The following POLR2C variants were observed in gnomAD, a reference collection of about 807,000 sequenced individuals.
POLR2C encodes the protein DNA-directed RNA polymerase II subunit RPB3.
POLR2C carries 36 observed loss-of-function variants against 41.7 expected under a neutral mutation model. That is an observed-to-expected ratio of 0.86 (90% CI 0.66 to 1.14). The LOEUF (loss-of-function observed/expected upper bound fraction) is 1.14, where lower values mean the gene tolerates loss of function less well. Among genes scored for constraint, POLR2C ranks in the 50% most tolerant of loss-of-function variants. POLR2C has a pLI of 0.00. For missense variants in POLR2C, 260 were observed against 350.4 expected, an observed-to-expected ratio of 0.74 and a Z score of 2.06; for synonymous variants, 133 against 137.8, an observed-to-expected ratio of 0.96 and a Z score of 0.25.
intron 4 of POLR2C, among the ~76,000 whole-genome samples, chr16:57,467,670 G>C (rs1457789076): frequency 1.3e-5 from 2 of 152,198 alleles, no homozygotes; most frequent in Non-Finnish European, 2.9e-5. Context: ...TGAACTGTGT[G>C]AAAGTTGCAG....
chr16:57,463,768 G>T (rs4784809), intron 2 of POLR2C: 1 of 364,734 alleles, frequency 2.7e-6, no homozygotes, highest in Non-Finnish European at 5.5e-6. Flanking sequence ...CATGGGGAAA[G>T]CCCGCCTCTA....
intron 4 of POLR2C, among the ~76,000 whole-genome samples, chr16:57,467,508 A>G (rs1435030718): frequency 6.6e-6 from 1 of 152,180 alleles, no homozygotes; most frequent in Non-Finnish European, 1.5e-5. Flanking sequence ...TTGCACAAAG[A>G]TGGCATGGTC....
At position 57,470,992 on chromosome 16, in the gene POLR2C, A is replaced by T. The variant is rs1401768483; in HGVS notation, c.701A>T (p.Glu234Val). The stretch of plus-strand genomic sequence containing the variant: ...CCTCCTAGGTTTTACTACAATGTGG[A>T]GTCCTGTGGCTCTCTGCGTCCTGAA... ...GKPERFYYNV[E>V]SCGSLRPETI... Residue 234 changes from glutamate to valine, a missense_variant, in exon 9 of 9, where the codon GAG becomes GTG. Coordinates refer to ENST00000219252, the MANE Select transcript of POLR2C (RefSeq NM_032940.3). 1.2e-6 allele frequency: 2 copies of T among 1,614,104 alleles called. No homozygotes were observed. The highest frequency in any genetic ancestry group is 8.5e-7 in the Non-Finnish European group (1 of 1,179,962).
intron 1 of POLR2C, 57 bp downstream of exon 1, chr16:57,462,867 G>C (rs557004717): frequency 7.1e-7 from 1 of 1,414,706 alleles, no homozygotes; most frequent in East Asian, 2.5e-5. Flanking sequence ...GCCCAAGCCG[G>C]GGCCCCGGGG....
rs754967890 is a variant in POLR2C at position 57,466,277 on chromosome 16, T to TGA, written c.258+50_258+51insGA. 8.8e-6 allele frequency: 11 copies of TGA among 1,251,344 alleles called. No homozygotes were observed. The African/African-American group carries it at 1.5e-4, about 17-fold the overall frequency. The allele number at this position is 1,251,344 out of a possible 1,614,324, so 77.5% of individuals were successfully genotyped here. A position where few individuals can be genotyped will look rare whatever the true frequency, so the allele number is the denominator to read the frequency against. On this transcript the variant is annotated intron_variant, in intron 4 of 8. Coordinates refer to ENST00000219252, the MANE Select transcript of POLR2C (RefSeq NM_032940.3). ...GTGAGGTTTGGTGGGGAGGCTTTGG[T>TGA]TCTCAAAGGGATTTTTCCTGACATT...
chr16:57,463,501 AG>A (rs2030631695), intron 2 of POLR2C: 2 of 363,194 alleles, frequency 5.5e-6, no homozygotes, highest in South Asian at 4.2e-5. Flanking sequence ...TAGTGAGCAT[AG>A]TACGCAATAG....
At chr16:57,467,047 C>T (rs2030724906) in intron 4 of POLR2C, among the ~76,000 whole-genome samples, 1 of 152,158 alleles carries the variant, frequency 6.6e-6, no homozygotes, top group African/African-American at 2.4e-5. Context: ...TCCTGGCTGA[C>T]ACGGTGAAAC....
At chr16:57,466,708 G>A (rs1018134099) in intron 4 of POLR2C, among the ~76,000 whole-genome samples, 1 of 152,138 alleles carries the variant, frequency 6.6e-6, no homozygotes, top group South Asian at 2.1e-4. Context: ...CCTCCTGGTC[G>A]TGTTTGCTCC....
At chr16:57,466,943 G>A (rs1475624304) in intron 4 of POLR2C, among the ~76,000 whole-genome samples, 1 of 152,046 alleles carries the variant, frequency 6.6e-6, no homozygotes, top group East Asian at 1.9e-4. Flanking sequence ...TTTTAAAAAA[G>A]AAATATTCAG....
In POLR2C at chr16:57,469,659, A is replaced by G. The variant is rs1164839117; in HGVS notation, c.388-51A>G. ...GGTGCTGGGATATGGATGCCAGAGG[A>G]GGTGACTGGGGAGGTGAGCAGCTAA... On this transcript the variant is annotated intron_variant, in intron 5 of 8. Coordinates refer to ENST00000219252, the MANE Select transcript of POLR2C (RefSeq NM_032940.3). The surrounding 1 kb of genome is among the most constrained non-coding windows in gnomAD (Gnocchi z 5.8). 13 of 1,442,460 alleles carry G rather than the reference A, an allele frequency of 9.0e-6. No individual in the cohort carries two copies. Among genetic ancestry groups the G allele is most frequent in the Non-Finnish European group, 1.3e-5 (13 of 1,024,710 alleles). The allele number at this position is 1,442,460 out of a possible 1,614,324, so 89.4% of individuals were successfully genotyped here. A position where few individuals can be genotyped will look rare whatever the true frequency, so the allele number is the denominator to read the frequency against.
Position 57,469,360 on chromosome 16 carries a change from C to CACACA in POLR2C, c.387+67_387+68insACACA. ...TCTTCTCTGGCTGGCTCCAAGTGGG[C>CACACA]CAGACTGGGGTTGATCCTTAGAAAA... On this transcript the variant is annotated intron_variant, in intron 5 of 8. Coordinates refer to ENST00000219252, the MANE Select transcript of POLR2C (RefSeq NM_032940.3). This position sits in a 1 kb window ranked among gnomAD's most constrained non-coding sequence, Gnocchi z 5.8. 6.4e-7 allele frequency: 1 copy of CACACA among 1,551,928 alleles called. No homozygotes were observed. Among genetic ancestry groups the CACACA allele is most frequent in the East Asian group, 2.2e-5 (1 of 44,572 alleles).
intron 4 of POLR2C, among the ~76,000 whole-genome samples, chr16:57,467,975 C>T (rs1195719087): frequency 6.6e-6 from 1 of 151,920 alleles, no homozygotes; most frequent in East Asian, 1.9e-4. Context: ...ATATTTTTAT[C>T]TTCCATTACA....
chr16:57,469,955 C>G lies in POLR2C; in HGVS notation c.440-6C>G. The G allele has an allele frequency of 3.1e-6, 5 of 1,610,976 alleles. No homozygotes were observed. The highest frequency in any genetic ancestry group is 4.2e-6 in the Non-Finnish European group (5 of 1,179,500). On this transcript the variant is annotated splice_polypyrimidine_tract_variant and splice_region_variant and intron_variant, in intron 6 of 8. Coordinates refer to ENST00000219252, the MANE Select transcript of POLR2C (RefSeq NM_032940.3). This position sits in a 1 kb window ranked among gnomAD's most constrained non-coding sequence, Gnocchi z 5.8. ...GCCCTTGACTGACTTGTGCCTCTCCCTGCAGACATCCTCATCGTCAAGTTG... is the reference window on the plus strand; with the variant it reads ...GCCCTTGACTGACTTGTGCCTCTCCGTGCAGACATCCTCATCGTCAAGTTG...
At chr16:57,462,895 G>A in intron 1 of POLR2C, 85 bp downstream of exon 1, 1 of 1,135,928 alleles carries the variant, frequency 8.8e-7, no homozygotes, top group South Asian at 1.3e-5. Context: ...CGGGGGTGTA[G>A]TGGGGTGGGG....
At position 57,465,940 on chromosome 16, in the gene POLR2C, T is replaced by C; in HGVS notation, c.137-13T>C. 6.4e-7 allele frequency: 1 copy of C among 1,559,372 alleles called. No individual in the cohort carries two copies. The highest frequency in any genetic ancestry group is 1.1e-5 in the South Asian group (1 of 89,900). On this transcript the variant is annotated splice_polypyrimidine_tract_variant and intron_variant, in intron 2 of 8. Transcript: ENST00000219252. ...GATGGCTAAACTCCATGTCTGCTTC[T>C]TTCATTTTTTAGCCATTGACTGGGT...
chr16:57,462,882 G>T, intron 1 of POLR2C, 72 bp downstream of exon 1: 2 of 1,279,024 alleles, frequency 1.6e-6, no homozygotes, highest in Non-Finnish European at 2.2e-6. Flanking sequence ...CCGGGGCAGG[G>T]GGCGGGGGTG....
chr16:57,466,165 T>G lies in POLR2C; in HGVS notation c.206-10T>G. 2 of 1,599,024 alleles carry G rather than the reference T, an allele frequency of 1.3e-6. No individual in the cohort carries two copies. The highest frequency in any genetic ancestry group is 2.2e-5 in the South Asian group (2 of 89,912). ...TGGTTTTCTTTAAAGTGCTTTTCTG[T>G]TTTTTACAGGATTAATTCCCCTCAT... On this transcript the variant is annotated splice_polypyrimidine_tract_variant and intron_variant, in intron 3 of 8. Transcript: ENST00000219252.
Position 57,469,837 on chromosome 16 carries a change from C to G in POLR2C, c.439+76C>G. 1 of 1,571,668 alleles carries G rather than the reference C, an allele frequency of 6.4e-7. No homozygotes were observed. The highest frequency in any genetic ancestry group is 8.8e-7 in the Non-Finnish European group (1 of 1,142,296). ...GACACAGCCTCTCGTGCTGCCTGGT[C>G]TCCTCGAAAATTGGCTTTAGACCGT... On this transcript the variant is annotated intron_variant, in intron 6 of 8. Transcript: ENST00000219252. This position sits in a 1 kb window ranked among gnomAD's most constrained non-coding sequence, Gnocchi z 5.8.
intron 2 of POLR2C, among the ~76,000 whole-genome samples, chr16:57,464,598 G>A (rs1289564779): frequency 6.6e-6 from 1 of 152,106 alleles, no homozygotes; most frequent in African/African-American, 2.4e-5. Flanking sequence ...AGACTTTTAA[G>A]GAAATAAGCA....
Sources: allele counts gnomAD v4.1 joint callset (sites outside exome capture counted in the v4.1 genomes callset), GRCh38; gene constraint gnomAD v4.1.1; non-coding constraint Gnocchi (gnomAD v3.1); transcripts MANE v1.5; gene names NCBI Gene and HGNC (gene_info 2026-07-23, HGNC 2026-07-21).